Variants in ZZZ3 observed in about 807,000 individuals in gnomAD.
ZZZ3 encodes zinc finger ZZ-type containing 3, also known as ZZ-type zinc finger-containing protein 3.
In ZZZ3, 22 loss-of-function variants were observed where a neutral mutation model predicts 95.2. That is an observed-to-expected ratio of 0.23 (90% CI 0.17 to 0.33). The LOEUF (loss-of-function observed/expected upper bound fraction) is 0.33, where lower values mean the gene tolerates loss of function less well. ZZZ3 is among the 10% of genes least tolerant of loss of function. ZZZ3 has a pLI of 1.00. For missense variants in ZZZ3, 885 were observed against 1,066.5 expected, an observed-to-expected ratio of 0.83 and a Z score of 2.37; for synonymous variants, 335 against 358.9, an observed-to-expected ratio of 0.93 and a Z score of 0.75.
At chr1:77,612,347 G>A (rs1665894401) in intron 5 of ZZZ3, among the ~76,000 whole-genome samples, 1 of 152,004 alleles carries the variant, frequency 6.6e-6, no homozygotes, top group Non-Finnish European at 1.5e-5. Context: ...TGGTGGAAAT[G>A]TAGATTGATA....
chr1:77,657,374 A>C (rs1054083841), intron 1 of ZZZ3, among the ~76,000 whole-genome samples: 8 of 152,210 alleles, frequency 5.3e-5, no homozygotes, highest in African/African-American at 1.9e-4. Flanking sequence ...ACTTAGGAAC[A>C]CTATAGACAG....
intron 5 of ZZZ3, among the ~76,000 whole-genome samples, chr1:77,623,845 T>C (rs1301343734): frequency 4.0e-5 from 6 of 151,452 alleles, no homozygotes; most frequent in Admixed American, 1.3e-4. Context: ...AATCAGAGAA[T>C]AAAGAGACAA....
intron 5 of ZZZ3, among the ~76,000 whole-genome samples, chr1:77,622,356 C>G (rs1043224267): frequency 1.5e-5 from 1 of 64,932 alleles, no homozygotes; most frequent in Non-Finnish European, 3.2e-5. Flanking sequence ...TAATGTAAAA[C>G]AAATGAAAAA....
chr1:77,574,704 T>C (rs1425919003), intron 12 of ZZZ3, among the ~76,000 whole-genome samples: 1 of 152,214 alleles, frequency 6.6e-6, no homozygotes, highest in Non-Finnish European at 1.5e-5. Flanking sequence ...AAAGAACTTA[T>C]AAGCCAACTT....
intron 5 of ZZZ3, chr1:77,614,994 G>A (rs1666170438): frequency 6.6e-6 from 1 of 152,218 alleles, no homozygotes; most frequent in African/African-American, 2.4e-5. Flanking sequence ...AACTGAATGG[G>A]GTAGCAGTAG....
At chr1:77,574,135 T>A (rs895566376) in intron 12 of ZZZ3, among the ~76,000 whole-genome samples, 5 of 148,200 alleles carry the variant, frequency 3.4e-5, no homozygotes, top group African/African-American at 1.2e-4. Flanking sequence ...TAGATAGATT[T>A]ACATATAGAT....
rs1660663354 is a variant in ZZZ3, at chr1:77,564,572, A to G, written c.*1068T>C. ...TCTCCTGACAAATGAACATCATTCA[A>G]GAACATACTGTATACACAGATAAGA... On this transcript the variant is annotated 3_prime_UTR_variant, in exon 15 of 15. Transcript: ENST00000370801. 1.3e-5 allele frequency: 2 copies of G among 152,674 alleles called. No homozygotes were observed. Among genetic ancestry groups the G allele is most frequent in the Non-Finnish European group, 1.5e-5 (1 of 68,026 alleles). The allele number at this position is 152,674 out of a possible 1,614,324, so 9.5% of individuals were successfully genotyped here.
intron 5 of ZZZ3, among the ~76,000 whole-genome samples, chr1:77,620,483 AT>A (rs1300519622): frequency 2.0e-4 from 19 of 95,532 alleles, no homozygotes; most frequent in African/African-American, 7.1e-4. Context: ...GAACGAAAGA[AT>A]GGAAGGAAGG....
At chr1:77,620,206 C>A (rs1414517080) in intron 5 of ZZZ3, among the ~76,000 whole-genome samples, 3 of 151,814 alleles carry the variant, frequency 2.0e-5, no homozygotes, top group Non-Finnish European at 2.9e-5. Context: ...ATGAGGAGGG[C>A]CTAGAATGAG....
intron 12 of ZZZ3, among the ~76,000 whole-genome samples, chr1:77,569,473 A>C (rs1467998398): frequency 6.6e-6 from 1 of 152,260 alleles, no homozygotes; most frequent in Non-Finnish European, 1.5e-5. Flanking sequence ...CAAATTGACA[A>C]GTAGCTTTCT....
chr1:77,607,439 T>C (rs1665349192), intron 5 of ZZZ3, among the ~76,000 whole-genome samples: 1 of 152,116 alleles, frequency 6.6e-6, no homozygotes, highest in Non-Finnish European at 1.5e-5. Context: ...CTCAGAGAAA[T>C]TCAAGATATC....
At chr1:77,573,441 T>C (rs929394162) in intron 12 of ZZZ3, among the ~76,000 whole-genome samples, 3 of 152,204 alleles carry the variant, frequency 2.0e-5, no homozygotes, top group African/African-American at 7.2e-5. Flanking sequence ...TTTTTAAATG[T>C]GTGATTTACT....
intron 5 of ZZZ3, among the ~76,000 whole-genome samples, chr1:77,608,050 T>G (rs1487465005): frequency 2.6e-5 from 4 of 152,134 alleles, no homozygotes; most frequent in African/African-American, 9.7e-5. Context: ...TAAGAGTTAT[T>G]AGCCTTAAAG....
chr1:77,659,743 A>G (rs1201148981), intron 1 of ZZZ3, among the ~76,000 whole-genome samples: 4 of 150,864 alleles, frequency 2.7e-5, no homozygotes, highest in Non-Finnish European at 5.9e-5. Context: ...TGTTTTGATT[A>G]CCCAAAAAAA....
In ZZZ3 at chr1:77,679,083, G is replaced by C. The variant is rs560923982; in HGVS notation, c.-403+3502C>G. ...AAAAGAAAAACAGAAAGGTGAGAACGAAAGGGTCAAACAAAATAATCAAGA... is the reference window on the plus strand; with the variant it reads ...AAAAGAAAAACAGAAAGGTGAGAACCAAAGGGTCAAACAAAATAATCAAGA... On this transcript the variant is annotated intron_variant, in intron 1 of 14. Transcript: ENST00000370801. Among the ~76,000 whole-genome samples, 11 of 152,228 alleles carry C rather than the reference G, an allele frequency of 7.2e-5. No homozygotes were observed. In the South Asian group the frequency reaches 8.3e-4, roughly 11 times the overall value.
intron 1 of ZZZ3, among the ~76,000 whole-genome samples, chr1:77,676,386 T>A (rs973406392): frequency 6.6e-6 from 1 of 152,234 alleles, no homozygotes; most frequent in East Asian, 1.9e-4. Context: ...CAGACTGGTG[T>A]CCAAATCCTG....
chr1:77,582,922 T>C (rs1266596341), intron 6 of ZZZ3, among the ~76,000 whole-genome samples: 1 of 151,972 alleles, frequency 6.6e-6, no homozygotes, highest in Non-Finnish European at 1.5e-5. Flanking sequence ...CTGGCCAACA[T>C]GGTGAAACCC....
chr1:77,649,269 A>C (rs977167398), intron 1 of ZZZ3, among the ~76,000 whole-genome samples: 2 of 152,174 alleles, frequency 1.3e-5, no homozygotes, highest in African/African-American at 4.8e-5. Flanking sequence ...AACACATTAC[A>C]GGCACAGAGA....
At chr1:77,585,754 C>A (rs918614670) in intron 5 of ZZZ3, among the ~76,000 whole-genome samples, 1 of 152,138 alleles carries the variant, frequency 6.6e-6, no homozygotes, top group African/African-American at 2.4e-5. Flanking sequence ...TTCTGCGAAT[C>A]TTTTAAGTTC....
Sources: allele counts gnomAD v4.1 joint callset (sites outside exome capture counted in the v4.1 genomes callset), GRCh38; gene constraint gnomAD v4.1.1; transcripts MANE v1.5; gene names NCBI Gene and HGNC (gene_info 2026-07-23, HGNC 2026-07-21).